Variants in SPINK2 observed in about 807,000 individuals in gnomAD.
The protein encoded by SPINK2 is serine peptidase inhibitor Kazal type 2, also known as serine protease inhibitor Kazal-type 2.
A neutral mutation model predicts 13.5 loss-of-function variants in SPINK2; 8 were observed. That is an observed-to-expected ratio of 0.59 (90% confidence interval 0.35 to 1.07). The LOEUF is 1.07. Among genes scored for constraint, SPINK2 ranks in the 50% least tolerant of loss-of-function variants. SPINK2 has a pLI of 0.02. For synonymous variants in SPINK2, 76 were observed against 74.7 expected, an observed-to-expected ratio of 1.02 and a Z score of -0.09; for missense variants, 148 against 180.3, an observed-to-expected ratio of 0.82 and a Z score of 1.03.
chr4:56,817,460 T>C (rs1717550536), intron 2 of SPINK2, among the ~76,000 whole-genome samples: 1 of 152,038 alleles, frequency 6.6e-6, no homozygotes, highest in Admixed American at 6.6e-5. Flanking sequence ...AAAATTCAGA[T>C]GGAAATATAA....
intron 2 of SPINK2, chr4:56,816,691 CTA>C (rs1717476658): frequency 6.8e-6 from 1 of 146,806 alleles, no homozygotes; most frequent in East Asian, 2.0e-4. Flanking sequence ...ATCTATATAT[CTA>C]TATATAGATA....
intron 1 of SPINK2, 27 bp downstream of exon 1, chr4:56,821,431 C>T (rs146105428): frequency 1.3e-6 from 2 of 1,490,634 alleles, no homozygotes; most frequent in Non-Finnish European, 1.8e-6. Flanking sequence ...AAGCCACCCC[C>T]ACAACCCCCA....
chr4:56,816,384 G>A (rs1717450027), intron 2 of SPINK2, among the ~76,000 whole-genome samples: 1 of 152,052 alleles, frequency 6.6e-6, no homozygotes, highest in South Asian at 2.1e-4. Flanking sequence ...AGGCACAGTG[G>A]CTCACACCTG....
At chr4:56,811,941 T>TC (rs200977158) in intron 2 of SPINK2, 147 bp from the exon 3 acceptor site, 16,653 of 261,588 alleles carry the variant, frequency 0.064, 730 homozygotes, top group South Asian at 0.25. Context: ...TTTTTTCTTT[T>TC]TTTTTTTTTT....
chr4:56,814,980 A>AAAC (rs1560414928), intron 2 of SPINK2, among the ~76,000 whole-genome samples: 1 of 137,988 alleles, frequency 7.2e-6, no homozygotes, highest in Non-Finnish European at 1.5e-5. Context: ...AAAAAAAAAA[A>AAAC]AAACAAAGGC....
At chr4:56,814,080 C>T (rs1329457300) in intron 2 of SPINK2, among the ~76,000 whole-genome samples, 2 of 151,798 alleles carry the variant, frequency 1.3e-5, no homozygotes, top group South Asian at 2.1e-4. Flanking sequence ...CCCACCACCA[C>T]GCCCGGCTAA....
Position 56,811,941 on chromosome 4 carries a change from T to C in SPINK2, c.250-147A>G, listed in dbSNP as rs866997559. 1.7e-3 allele frequency: 454 copies of C among 261,762 alleles called. 1 individual carries two copies. The highest frequency in any genetic ancestry group is 9.8e-3 in the African/African-American group (422 of 43,134). 16.2% of individuals were successfully genotyped at this position (261,762 alleles called of 1,614,324 possible). Reference sequence around the variant, plus strand: ...TATTTTCCAGAAAAATTTTTTCTTTTTTTTTTTTTTTTTTTGAGACAGAGT... The same window carrying C: ...TATTTTCCAGAAAAATTTTTTCTTTCTTTTTTTTTTTTTTTGAGACAGAGT... On this transcript the variant is annotated intron_variant, in intron 2 of 3. Transcript: ENST00000506738.
chr4:56,819,806 G>A (rs1352288305), intron 2 of SPINK2, among the ~76,000 whole-genome samples: 3 of 151,856 alleles, frequency 2.0e-5, no homozygotes, highest in Admixed American at 6.6e-5. Context: ...TAGTACAGAC[G>A]GGGTTTCACC....
At chr4:56,818,297 A>T (rs892765892) in intron 2 of SPINK2, 1 of 152,244 alleles carries the variant, frequency 6.6e-6, no homozygotes, top group African/African-American at 2.4e-5. Flanking sequence ...TGTAAACACC[A>T]CTGCACAAAA....
At chr4:56,821,275 T>C (rs1048188803) in intron 1 of SPINK2, 183 bp downstream of exon 1, 1 of 983,566 alleles carries the variant, frequency 1.0e-6, no homozygotes, top group Non-Finnish European at 1.2e-6. Context: ...GCACATCTCC[T>C]CCCTTGGGAC....
intron 1 of SPINK2, 43 bp downstream of exon 1, chr4:56,821,415 T>G (rs1717923190): frequency 4.1e-6 from 6 of 1,468,262 alleles, no homozygotes; most frequent in Non-Finnish European, 5.4e-6. Flanking sequence ...GGTGGCTGAC[T>G]CCACAAAGCC....
rs766786986 is a variant in SPINK2 at position 56,810,166 on chromosome 4, A to G, written c.378T>C (p.Ile126=). 3 of 1,609,836 alleles carry G rather than the reference A, an allele frequency of 1.9e-6. No individual in the cohort carries two copies. The highest frequency in any genetic ancestry group is 2.5e-6 in the Non-Finnish European group (3 of 1,177,640). ...CMKIREGGHN[I]KIIRNGPC ...AGCAGGGTCCATTTCGAATGATTTT[A>G]ATATTATGACCACCTTCCCTGCAAA... The change falls in exon 4 of 4, where the codon ATT becomes ATC. Residue 126 remains isoleucine (I), a synonymous_variant. Coordinates refer to ENST00000506738, the MANE Select transcript of SPINK2 (RefSeq NM_001271718.2).
intron 3 of SPINK2, 59 bp from the exon 4 acceptor site, chr4:56,810,243 T>C (rs1716867583): frequency 2.8e-6 from 4 of 1,442,922 alleles, no homozygotes; most frequent in African/African-American, 1.4e-5. Flanking sequence ...AACTGTCTCA[T>C]TATTTGTGTT....
chr4:56,817,436 G>A (rs1184825919), intron 2 of SPINK2, among the ~76,000 whole-genome samples: 1 of 152,004 alleles, frequency 6.6e-6, no homozygotes, highest in African/African-American at 2.4e-5. Flanking sequence ...AGCAGAAACT[G>A]ACAAATTGAT....
chr4:56,820,352 G>A (rs779935053), intron 2 of SPINK2, among the ~76,000 whole-genome samples, 184 bp downstream of exon 2: 2 of 152,168 alleles, frequency 1.3e-5, no homozygotes, highest in Admixed American at 6.5e-5. Context: ...CACAAAGACT[G>A]AGCTGTTTTC....
intron 2 of SPINK2, among the ~76,000 whole-genome samples, chr4:56,817,885 T>C (rs1356739076): frequency 6.9e-6 from 1 of 145,638 alleles, no homozygotes; most frequent in South Asian, 2.1e-4. Flanking sequence ...GCACTAAGGA[T>C]AGAGGAGGAT....
Position 56,815,921 on chromosome 4 carries a change from T to C in SPINK2, c.250-4127A>G, listed in dbSNP as rs1033798487. ...GAGTTCAAGACCTGCCTGGGCAACA[T>C]AGCAAGACCCCATCTCTACAAACAA... On this transcript the variant is annotated intron_variant, in intron 2 of 3. Coordinates refer to ENST00000506738, the MANE Select transcript of SPINK2 (RefSeq NM_001271718.2). 4.0e-5 allele frequency among the ~76,000 whole-genome samples: 6 copies of C among 151,726 alleles called. No homozygotes were observed. In the South Asian group the frequency reaches 1.3e-3, roughly 32 times the overall value.
intron 1 of SPINK2, 120 bp downstream of exon 1, chr4:56,821,338 A>G (rs1399601708): frequency 4.1e-5 from 58 of 1,399,530 alleles, no homozygotes; most frequent in Non-Finnish European, 4.8e-5. Context: ...CTACTTTAAC[A>G]GAGAAAGCGC....
intron 2 of SPINK2, among the ~76,000 whole-genome samples, chr4:56,815,797 C>CACACACAA (rs1553894837): frequency 6.8e-6 from 1 of 147,726 alleles, no homozygotes; most frequent in South Asian, 2.2e-4. Context: ...CACACACACA[C>CACACACAA]AAAACTATTA....
Sources: gnomAD v4.1 joint callset for allele counts (sites outside exome capture counted in the v4.1 genomes callset) on GRCh38, gnomAD v4.1.1 for gene constraint, MANE v1.5 for transcripts, NCBI Gene and HGNC (gene_info 2026-07-23, HGNC 2026-07-21) for gene names.